NFATC3: variants seen among roughly 807,000 people sequenced by gnomAD.
The protein encoded by NFATC3 is nuclear factor of activated T cells 3.
In NFATC3, 46 loss-of-function variants were observed where a neutral mutation model predicts 98.6. The observed-to-expected ratio is 0.47, with a 90% CI of 0.37 to 0.60. NFATC3 has a LOEUF of 0.60. Ranked by LOEUF, NFATC3 falls within the 20% of genes least tolerant of loss-of-function variation. NFATC3 has a pLI of 0.00. For synonymous variants in NFATC3, 512 were observed against 472.2 expected (o/e 1.08, Z -1.09); for missense variants, 1,256 against 1,295.5 (o/e 0.97, Z 0.47).
chr16:68,226,307 C>A, intron 9 of NFATC3, 43 bp from the exon 10 acceptor site: 2 of 1,538,980 alleles, frequency 1.3e-6, no homozygotes, highest in South Asian at 1.3e-5. Context: ...TATGGCTAAT[C>A]ACTCAGAGGT....
At chr16:68,152,883 C>T (rs2038411342) in intron 3 of NFATC3, among the ~76,000 whole-genome samples, 1 of 152,158 alleles carries the variant, frequency 6.6e-6, no homozygotes, top group Admixed American at 6.5e-5. Context: ...GACAAGAGAA[C>T]ATAAGTGGCA....
intron 9 of NFATC3, among the ~76,000 whole-genome samples, chr16:68,203,412 G>A (rs2041009650): frequency 6.6e-6 from 1 of 151,560 alleles, no homozygotes; most frequent in African/African-American, 2.4e-5. Context: ...CCGGTGGATC[G>A]CTTGAGCTCG....
intron 5 of NFATC3, among the ~76,000 whole-genome samples, chr16:68,174,016 A>G (rs1310121803): frequency 6.6e-6 from 1 of 152,102 alleles, no homozygotes; most frequent in Non-Finnish European, 1.5e-5. Context: ...GCATGGTGTC[A>G]TGCATCTGTA....
At chr16:68,164,187 G>A (rs979738706) in intron 4 of NFATC3, among the ~76,000 whole-genome samples, 11 of 152,224 alleles carry the variant, frequency 7.2e-5, no homozygotes, top group Admixed American at 6.5e-4. Context: ...ATCACTCGTG[G>A]TTAGGAGCTG....
intron 3 of NFATC3, among the ~76,000 whole-genome samples, chr16:68,135,818 T>G (rs948689141): frequency 1.3e-5 from 2 of 152,152 alleles, no homozygotes; most frequent in African/African-American, 4.8e-5. Flanking sequence ...ATCCCAGCAC[T>G]TTGGGAGGCC....
chr16:68,196,360 AT>A (rs2040669849), intron 9 of NFATC3, among the ~76,000 whole-genome samples: 1 of 152,112 alleles, frequency 6.6e-6, no homozygotes, highest in South Asian at 2.1e-4. Flanking sequence ...ACCTCAGGTG[AT>A]CTGCCTGCCT....
intron 1 of NFATC3, among the ~76,000 whole-genome samples, chr16:68,096,280 A>G (rs896639166): frequency 6.6e-6 from 1 of 152,218 alleles, no homozygotes; most frequent in African/African-American, 2.4e-5. Flanking sequence ...AATTCTTTTT[A>G]AAGTGCTTTG....
chr16:68,192,249 ATATATGTATGTG>A (rs1208845541), intron 9 of NFATC3: 13 of 113,514 alleles, frequency 1.1e-4, no homozygotes, highest in South Asian at 5.7e-4. Context: ...ATATATATAT[ATATATGTATGTG>A]TATATATATA....
chr16:68,109,035 C>A (rs1042425961), intron 1 of NFATC3, among the ~76,000 whole-genome samples: 1 of 152,122 alleles, frequency 6.6e-6, no homozygotes, highest in African/African-American at 2.4e-5. Flanking sequence ...CAATTTGACT[C>A]CCTCTCTTCC....
chr16:68,157,922 A>G lies in NFATC3; in HGVS notation c.1455A>G (p.Ala485=), dbSNP rs775098782. Residue 485 remains alanine (A), a synonymous_variant, in exon 4 of 10, where the codon GCA becomes GCG. Transcript: ENST00000346183. Reference sequence around the variant, plus strand: ...ATCTACAAATGTTTATTGGGACAGCAGATGATCGATATTTACGACCTCATG... The same window carrying G: ...ATCTACAAATGTTTATTGGGACAGCGGATGATCGATATTTACGACCTCATG... ...PINLQMFIGT[A]DDRYLRPHAF... is the part of the protein sequence containing the mutation. 5.0e-6 allele frequency: 8 copies of G among 1,613,978 alleles called. No individual in the cohort carries two copies. The highest frequency in any genetic ancestry group is 6.8e-6 in the Non-Finnish European group (8 of 1,179,918).
At chr16:68,086,027 G>T in intron 1 of NFATC3, 1 of 413,968 alleles carries the variant, frequency 2.4e-6, no homozygotes, top group Non-Finnish European at 4.3e-6. Context: ...ACTCCGGGAC[G>T]ATCGGGGTTT....
chr16:68,129,236 G>C (rs574192585), intron 3 of NFATC3, among the ~76,000 whole-genome samples: 1 of 152,320 alleles, frequency 6.6e-6, no homozygotes, highest in South Asian at 2.1e-4. Flanking sequence ...CTGCACTCCA[G>C]CTTGGGTGAC....
chr16:68,215,067 G>A (rs1179676308), intron 9 of NFATC3, among the ~76,000 whole-genome samples: 1 of 152,140 alleles, frequency 6.6e-6, no homozygotes, highest in Admixed American at 6.6e-5. Context: ...ATATATGATA[G>A]AAATTATAAA....
At chr16:68,208,245 C>T (rs1328536865) in intron 9 of NFATC3, among the ~76,000 whole-genome samples, 7 of 151,840 alleles carry the variant, frequency 4.6e-5, no homozygotes, top group Non-Finnish European at 1.0e-4. Flanking sequence ...CCATATTAGT[C>T]AGGCTGGTCT....
chr16:68,085,511 T>G lies in NFATC3; in HGVS notation c.-171T>G. On this transcript the variant is annotated 5_prime_UTR_variant, in exon 1 of 10. Transcript: ENST00000346183. Reference sequence around the variant, plus strand: ...GGTGCTGCTCGGCGCGCGGCCAGCTTTCGGAACGGAACGCTCGGCGTCGCG... The same window carrying G: ...GGTGCTGCTCGGCGCGCGGCCAGCTGTCGGAACGGAACGCTCGGCGTCGCG... 3.7e-6 allele frequency: 2 copies of G among 543,598 alleles called. No homozygotes were observed. Among genetic ancestry groups the G allele is most frequent in the Non-Finnish European group, 6.1e-6 (2 of 327,054 alleles). 33.7% of individuals were successfully genotyped at this position (543,598 alleles called of 1,614,324 possible).
At chr16:68,157,814 T>C in intron 3 of NFATC3, 55 bp from the exon 4 acceptor site, 2 of 1,420,250 alleles carry the variant, frequency 1.4e-6, no homozygotes, top group Non-Finnish European at 2.0e-6. Context: ...GTTGGCATAT[T>C]GTAAAATGCA....
rs116837588 is a variant in NFATC3 at position 68,178,640 on chromosome 16, G to A, written c.1916-2835G>A. ...ATAGAGACTGAATTGTGAACTGTTTGTATCAAGTCATCAAGAAAGGTCTTT... is the reference window on the plus strand; with the variant it reads ...ATAGAGACTGAATTGTGAACTGTTTATATCAAGTCATCAAGAAAGGTCTTT... On this transcript the variant is annotated intron_variant, in intron 6 of 9. Coordinates refer to ENST00000346183, the MANE Select transcript of NFATC3 (RefSeq NM_173165.3). Among the ~76,000 whole-genome samples, 557 of 152,300 alleles carry A rather than the reference G, an allele frequency of 3.7e-3. 6 individuals are homozygous for A. Among genetic ancestry groups the A allele is most frequent in the African/African-American group, 0.012 (511 of 41,570 alleles).
At chr16:68,094,781 A>G (rs1037905928) in intron 1 of NFATC3, among the ~76,000 whole-genome samples, 1 of 152,208 alleles carries the variant, frequency 6.6e-6, no homozygotes, top group Non-Finnish European at 1.5e-5. Flanking sequence ...TTAATCTTCT[A>G]GTTTAAATAT....
rs550241593 is a variant in NFATC3, at chr16:68,159,420, T to A, written c.1601+1352T>A. Among the ~76,000 whole-genome samples, 1,151 of 149,236 alleles carry A rather than the reference T, an allele frequency of 7.7e-3. 8 individuals carry two copies. Among genetic ancestry groups the A allele is most frequent in the Non-Finnish European group, 0.014 (909 of 67,254 alleles). On this transcript the variant is annotated intron_variant, in intron 4 of 9. Transcript: ENST00000346183. ...CCTTTCTTTCTTTTTTTTTTTTTTT[T>A]ATATTTTTATTTATTTTTTTCAAGA...
Sources: gnomAD v4.1 joint callset for allele counts (sites outside exome capture counted in the v4.1 genomes callset) on GRCh38, gnomAD v4.1.1 for gene constraint, MANE v1.5 for transcripts, NCBI Gene and HGNC (gene_info 2026-07-23, HGNC 2026-07-21) for gene names.